DYTN: variants seen among roughly 807,000 people sequenced by gnomAD.
The protein encoded by DYTN is dystrotelin.
Under a neutral mutation model 69.6 loss-of-function variants are expected in DYTN, and 75 were observed. The ratio of observed to expected loss-of-function variants is 1.08; its 90% CI spans 0.89 to 1.31. The LOEUF (loss-of-function observed/expected upper bound fraction) is 1.31. Among genes scored for constraint, DYTN ranks in the 50% most tolerant of loss-of-function variants. The pLI is 0.00. For synonymous variants in DYTN, 252 were observed against 249.1 expected (o/e 1.01, Z -0.11); for missense variants, 726 against 688.4 (o/e 1.05, Z -0.61).
chr2:206,660,377 T>C (rs1213259117), intron 11 of DYTN, among the ~76,000 whole-genome samples: 2 of 152,202 alleles, frequency 1.3e-5, no homozygotes, highest in South Asian at 2.1e-4. Context: ...CAAATATGTG[T>C]AGTAGACCTA....
At chr2:206,690,004 G>A (rs1180724400) in intron 9 of DYTN, among the ~76,000 whole-genome samples, 1 of 152,174 alleles carries the variant, frequency 6.6e-6, no homozygotes, top group African/African-American at 2.4e-5. Flanking sequence ...ACATTATAGA[G>A]AGGGGCACAG....
At chr2:206,681,529 T>C (rs1245265391) in intron 9 of DYTN, among the ~76,000 whole-genome samples, 1 of 152,208 alleles carries the variant, frequency 6.6e-6, no homozygotes, top group Non-Finnish European at 1.5e-5. Context: ...ATAGCTCTTA[T>C]TATTTTGAGA....
rs573716037 is a variant in DYTN at position 206,695,252 on chromosome 2, C to G, written c.720-375G>C. Among the ~76,000 whole-genome samples the G allele has an allele frequency of 7.9e-5, 12 of 152,254 alleles. No homozygotes were observed. The South Asian group carries it at 2.5e-3, about 32-fold the overall frequency. On this transcript the variant is annotated intron_variant, in intron 7 of 11. Coordinates refer to ENST00000452335, the MANE Select transcript of DYTN (RefSeq NM_001093730.1). ...TGCAGCTGCACAATGCACTCAAATT[C>G]TTTGAATTTAATAGCTAATTTAAAA...
In DYTN at chr2:206,704,859, A is replaced by G. The variant is rs1285366953; in HGVS notation, c.467T>C (p.Leu156Pro). 1 of 1,613,558 alleles carries G rather than the reference A, an allele frequency of 6.2e-7. No homozygotes were observed. Among genetic ancestry groups the G allele is most frequent in the South Asian group, 1.1e-5 (1 of 90,942 alleles). The stretch of plus-strand genomic sequence containing the variant: ...GGAATTTACCTGCTGTAGATCTGTT[A>G]GTAGTTTTCTCAAAACCCTTCGAGT... ...RMTRRVLRKLLTDLQQIPTFV... is the reference protein window; with the variant it reads ...RMTRRVLRKLPTDLQQIPTFV... Residue 156 changes from leucine to proline, a missense_variant, in exon 5 of 12, where the codon CTA (leucine) becomes CCA (proline). Coordinates refer to ENST00000452335, the MANE Select transcript of DYTN (RefSeq NM_001093730.1).
chr2:206,680,408 A>G (rs1699738326), intron 9 of DYTN, among the ~76,000 whole-genome samples: 1 of 152,204 alleles, frequency 6.6e-6, no homozygotes, highest in South Asian at 2.1e-4. Context: ...CAACCATATC[A>G]TATACACATC....
intron 1 of DYTN, among the ~76,000 whole-genome samples, chr2:206,715,067 G>A (rs1700114273): frequency 6.6e-6 from 1 of 152,108 alleles, no homozygotes; most frequent in South Asian, 2.1e-4. Flanking sequence ...AACACAGACT[G>A]GGCAAAGGCA....
chr2:206,666,062 G>A, intron 9 of DYTN, 33 bp from the exon 10 acceptor site: 1 of 1,607,218 alleles, frequency 6.2e-7, no homozygotes, highest in South Asian at 1.1e-5. Flanking sequence ...CGGTTTGGAA[G>A]GGCAAGAGGC....
chr2:206,695,944 G>T (rs925950570), intron 7 of DYTN, among the ~76,000 whole-genome samples: 3 of 152,082 alleles, frequency 2.0e-5, no homozygotes, highest in Admixed American at 2.0e-4. Context: ...CTCTCTTAAG[G>T]TTACAAAAAA....
At chr2:206,676,363 G>A (rs990479828) in intron 9 of DYTN, among the ~76,000 whole-genome samples, 3 of 152,094 alleles carry the variant, frequency 2.0e-5, no homozygotes, top group African/African-American at 7.2e-5. Context: ...TCACTCATAA[G>A]TGGGAGCTGA....
intron 9 of DYTN, among the ~76,000 whole-genome samples, chr2:206,677,383 A>T (rs1699702201): frequency 6.6e-6 from 1 of 152,268 alleles, no homozygotes; most frequent in African/African-American, 2.4e-5. Flanking sequence ...ATGTAAAAAT[A>T]AAATGAAAAG....
chr2:206,676,677 G>A (rs1266335083), intron 9 of DYTN, among the ~76,000 whole-genome samples: 1 of 152,174 alleles, frequency 6.6e-6, no homozygotes, highest in African/African-American at 2.4e-5. Flanking sequence ...AGTTATGCAA[G>A]ATAAGCAAGT....
At chr2:206,689,833 T>C (rs939420550) in intron 9 of DYTN, among the ~76,000 whole-genome samples, 1 of 152,208 alleles carries the variant, frequency 6.6e-6, no homozygotes, top group African/African-American at 2.4e-5. Flanking sequence ...TATCCATCCA[T>C]CAATCCCTCC....
At chr2:206,676,668 G>T (rs140223397) in intron 9 of DYTN, among the ~76,000 whole-genome samples, 7 of 152,290 alleles carry the variant, frequency 4.6e-5, no homozygotes, top group African/African-American at 7.2e-5. Context: ...TAAAGTTTCA[G>T]TTATGCAAGA....
intron 7 of DYTN, 28 bp from the exon 8 acceptor site, chr2:206,694,905 A>C: frequency 7.2e-7 from 1 of 1,391,820 alleles, no homozygotes; most frequent in Non-Finnish European, 9.7e-7. Context: ...AGCACAGCTT[A>C]CGTCACTAGT....
chr2:206,693,109 T>C (rs930887405), intron 9 of DYTN, 66 bp downstream of exon 9: 126 of 1,508,052 alleles, frequency 8.4e-5, no homozygotes, highest in Non-Finnish European at 9.8e-5. Context: ...TGCTGGCCGG[T>C]TACCATAACA....
chr2:206,700,292 C>A (rs1699963752), intron 5 of DYTN, 76 bp from the exon 6 acceptor site: 3 of 1,509,252 alleles, frequency 2.0e-6, no homozygotes, highest in East Asian at 2.3e-5. Flanking sequence ...GGGCTGAGAG[C>A]TGGTGCCCAC....
chr2:206,704,890 G>A lies in DYTN; in HGVS notation c.436C>T (p.Arg146Cys), dbSNP rs576749690. 1.9e-5 allele frequency: 30 copies of A among 1,613,814 alleles called. No homozygotes were observed. Among genetic ancestry groups the A allele is most frequent in the Middle Eastern group, 1.7e-4 (1 of 6,060 alleles). ...NSRGGYDSGPRMTRRVLRKLL... is the reference protein window; with the variant it reads ...NSRGGYDSGPCMTRRVLRKLL... The stretch of plus-strand genomic sequence containing the variant: ...TTTCTCAAAACCCTTCGAGTCATGC[G>A]TGGCCCAGAATCATAGCCTCCCCTG... Residue 146 changes from arginine (R) to cysteine (C), a missense_variant, in exon 5 of 12, where the codon CGC (arginine) becomes TGC (cysteine). Physicochemically the swap from Arg to Cys is radical, Grantham distance 180 (BLOSUM62 -3). Transcript: ENST00000452335.
chr2:206,710,363 C>T (rs986330563), intron 2 of DYTN, among the ~76,000 whole-genome samples, 161 bp downstream of exon 2: 3 of 152,174 alleles, frequency 2.0e-5, no homozygotes, highest in Non-Finnish European at 2.9e-5. Context: ...GATGTTTTCC[C>T]ATCCTCCATC....
chr2:206,657,401 T>C (rs1188999130), intron 11 of DYTN, among the ~76,000 whole-genome samples: 2 of 152,070 alleles, frequency 1.3e-5, no homozygotes, highest in African/African-American at 4.8e-5. Flanking sequence ...ACTCAGCCTC[T>C]CAAAGTGCTG....
Sources: allele counts gnomAD v4.1 joint callset (sites outside exome capture counted in the v4.1 genomes callset), GRCh38; gene constraint gnomAD v4.1.1; transcripts MANE v1.5; gene names NCBI Gene and HGNC (gene_info 2026-07-23, HGNC 2026-07-21).